The following MLLT10 variants were observed in gnomAD, a reference collection of about 807,000 sequenced individuals.
MLLT10 encodes the protein MLLT10 histone lysine methyltransferase DOT1L cofactor.
A neutral mutation model predicts 129.1 loss-of-function variants in MLLT10; 30 were observed. The ratio of observed to expected loss-of-function variants is 0.23; its 90% CI spans 0.17 to 0.32. The LOEUF is 0.32. Among genes scored for constraint, MLLT10 ranks in the 10% least tolerant of loss-of-function variants. The pLI is 1.00. For missense variants in MLLT10, 1,119 were observed against 1,268.3 expected (o/e 0.88, Z 1.79); for synonymous variants, 490 against 446.4 (o/e 1.10, Z -1.23).
intron 2 of MLLT10, 74 bp from the exon 3 acceptor site, chr10:21,538,759 G>C (rs1306933559): frequency 9.4e-7 from 1 of 1,068,226 alleles, no homozygotes. Context: ...GGATTAATAG[G>C]GCTTTGAAAG....
chr10:21,619,355 A>G (rs894475690), intron 8 of MLLT10, among the ~76,000 whole-genome samples: 1 of 152,188 alleles, frequency 6.6e-6, no homozygotes, highest in Admixed American at 6.5e-5. Context: ...TTTCATGCAT[A>G]TTATCTTGTA....
At chr10:21,706,429 G>A (rs961349976) in intron 13 of MLLT10, among the ~76,000 whole-genome samples, 1 of 152,194 alleles carries the variant, frequency 6.6e-6, no homozygotes, top group Non-Finnish European at 1.5e-5. Context: ...GGTATATGAG[G>A]TTGTGTGAGG....
chr10:21,551,948 C>T, intron 3 of MLLT10: 2 of 265,080 alleles, frequency 7.5e-6, no homozygotes, highest in Non-Finnish European at 1.5e-5. Context: ...GCACACACCA[C>T]CATGCCTGGG....
At chr10:21,624,933 G>A (rs2046282094) in intron 8 of MLLT10, 1 of 1,307,632 alleles carries the variant, frequency 7.6e-7, no homozygotes, top group Non-Finnish European at 1.1e-6. Context: ...TCTTGGAGGT[G>A]GTGCTCCCCT....
At chr10:21,656,702 T>C (rs2049622468) in intron 9 of MLLT10, among the ~76,000 whole-genome samples, 1 of 152,226 alleles carries the variant, frequency 6.6e-6, no homozygotes, top group African/African-American at 2.4e-5. Context: ...CACTATCACC[T>C]TTTAAATATT....
At chr10:21,704,025 T>TTG (rs1554856173) in intron 13 of MLLT10, among the ~76,000 whole-genome samples, 8 of 136,006 alleles carry the variant, frequency 5.9e-5, no homozygotes, top group Non-Finnish European at 1.1e-4. Context: ...TGTTTTTTTT[T>TTG]TTTTTTTTTT....
At chr10:21,723,714 A>G (rs1409758079) in intron 14 of MLLT10, among the ~76,000 whole-genome samples, 7 of 152,202 alleles carry the variant, frequency 4.6e-5, no homozygotes, top group Non-Finnish European at 7.3e-5. Flanking sequence ...CTTGGTGTCA[A>G]CAGACTGTCT....
chr10:21,638,675 C>T (rs2131287406), intron 8 of MLLT10, among the ~76,000 whole-genome samples: 1 of 152,274 alleles, frequency 6.6e-6, no homozygotes, highest in African/African-American at 2.4e-5. Flanking sequence ...TAAATCGTGT[C>T]TTTTCCTCTC....
At chr10:21,551,769 A>T (rs550394907) in intron 3 of MLLT10, 4,426 of 385,260 alleles carry the variant, frequency 0.011, 189 homozygotes, top group African/African-American at 0.09. Context: ...TTTTTTTTTT[A>T]AATTAAGTCT....
In MLLT10 at chr10:21,680,965, A is replaced by AAAAAG. The variant is rs1439011403; in HGVS notation, c.1622-365_1622-361dup. ...AGTGAGACTTTGTCTCAAAAAAAAA[A>AAAAAG]AAAAGATCTAAAGCACATTAATGTA... On this transcript the variant is annotated intron_variant, in intron 11 of 22. Transcript: ENST00000307729. Among the ~76,000 whole-genome samples, 4 of 152,288 alleles carry AAAAAG rather than the reference A, an allele frequency of 2.6e-5. No homozygotes were observed. The East Asian group carries it at 5.8e-4, about 22-fold the overall frequency.
intron 3 of MLLT10, among the ~76,000 whole-genome samples, chr10:21,572,367 G>A (rs1408428052): frequency 2.0e-5 from 3 of 151,898 alleles, no homozygotes; most frequent in Non-Finnish European, 2.9e-5. Context: ...CATATTCTCC[G>A]TCCTTCACAT....
intron 9 of MLLT10, among the ~76,000 whole-genome samples, chr10:21,654,792 T>A (rs1038088811): frequency 6.6e-6 from 1 of 152,140 alleles, no homozygotes; most frequent in African/African-American, 2.4e-5. Context: ...TAATGATGGA[T>A]CATTATATTT....
intron 3 of MLLT10, among the ~76,000 whole-genome samples, chr10:21,571,159 A>G (rs1589005838): frequency 6.6e-6 from 1 of 152,156 alleles, no homozygotes. Flanking sequence ...ACTTTTGGGT[A>G]TGGGTACTAT....
At chr10:21,732,808 T>C in intron 17 of MLLT10, 91 bp from the exon 18 acceptor site, 1 of 1,030,070 alleles carries the variant, frequency 9.7e-7, no homozygotes. Context: ...TGTTCTATTT[T>C]AACTTATTTC....
chr10:21,682,024 A>G (rs1352185003), intron 12 of MLLT10, among the ~76,000 whole-genome samples: 2 of 152,190 alleles, frequency 1.3e-5, no homozygotes, highest in Non-Finnish European at 2.9e-5. Context: ...TTAGTTGGTA[A>G]TATGTTGGCA....
At chr10:21,735,267 G>T (rs760322175) in intron 21 of MLLT10, 32 bp downstream of exon 21, 6 of 1,486,352 alleles carry the variant, frequency 4.0e-6, no homozygotes, top group Non-Finnish European at 4.7e-6. Context: ...TATCTTATTA[G>T]GAGCATGTGT....
Position 21,733,808 on chromosome 10 carries a change from C to G in MLLT10, c.2537C>G (p.Ala846Gly), listed in dbSNP as rs373769913. Residue 846 changes from alanine to glycine, a missense_variant, in exon 20 of 23, where the codon GCT becomes GGT. Coordinates refer to ENST00000307729, the MANE Select transcript of MLLT10 (RefSeq NM_001195626.3). Reference sequence around the variant, plus strand: ...GGACAAAGTACCAGCAGCTCATCAGCTCTTTCTACCCCACCTCCTGCTGGG... The same window carrying G: ...GGACAAAGTACCAGCAGCTCATCAGGTCTTTCTACCCCACCTCCTGCTGGG... ...SSGQSTSSSS[A>G]LSTPPPAGQS... The G allele has an allele frequency of 2.7e-5, 44 of 1,614,050 alleles. No individual in the cohort carries two copies. Among genetic ancestry groups the G allele is most frequent in the Non-Finnish European group, 3.7e-5 (44 of 1,179,988 alleles).
At chr10:21,541,534 C>T (rs576589050) in intron 3 of MLLT10, among the ~76,000 whole-genome samples, 4 of 152,252 alleles carry the variant, frequency 2.6e-5, no homozygotes, top group South Asian at 2.1e-4. Flanking sequence ...TACAGACATG[C>T]GCCACCACAC....
At chr10:21,713,262 T>C (rs1159467049) in intron 13 of MLLT10, among the ~76,000 whole-genome samples, 1 of 152,198 alleles carries the variant, frequency 6.6e-6, no homozygotes, top group African/African-American at 2.4e-5. Context: ...CTCCCACCAA[T>C]GTCATCAGCT....
Sources: allele counts gnomAD v4.1 joint callset (sites outside exome capture counted in the v4.1 genomes callset), GRCh38; gene constraint gnomAD v4.1.1; transcripts MANE v1.5; gene names NCBI Gene and HGNC (gene_info 2026-07-23, HGNC 2026-07-21).